Variants in DSCAM observed in about 807,000 individuals in gnomAD.
DSCAM encodes DS cell adhesion molecule.
In DSCAM, 47 loss-of-function variants were observed where a neutral mutation model predicts 217.7. The observed-to-expected ratio is 0.22, with a 90% CI of 0.17 to 0.28. The LOEUF is 0.28. Ranked by LOEUF, DSCAM falls within the 10% of genes least tolerant of loss-of-function variation. The pLI is 1.00. For synonymous variants in DSCAM, 1,056 were observed against 1,015.3 expected, an observed-to-expected ratio of 1.04 and a Z score of -0.76; for missense variants, 2,080 against 2,618.3, an observed-to-expected ratio of 0.79 and a Z score of 4.49.
chr21:40,408,699 G>A (rs1184403912), intron 3 of DSCAM, among the ~76,000 whole-genome samples: 3 of 152,008 alleles, frequency 2.0e-5, no homozygotes, highest in Non-Finnish European at 4.4e-5. Context: ...TTCCTTCCCC[G>A]AGCCCACTCA....
chr21:40,640,741 A>G (rs1283314902), intron 3 of DSCAM, among the ~76,000 whole-genome samples: 2 of 152,042 alleles, frequency 1.3e-5, no homozygotes, highest in African/African-American at 4.8e-5. Context: ...AGTAATTTGG[A>G]TAAGTATCCA....
chr21:40,041,723 T>C (rs1002347341), intron 32 of DSCAM, among the ~76,000 whole-genome samples: 18 of 152,178 alleles, frequency 1.2e-4, no homozygotes, highest in African/African-American at 4.3e-4. Context: ...GACTTAATGT[T>C]AGCCAGTTAC....
At chr21:40,722,631 A>C (rs2090913439) in intron 1 of DSCAM, among the ~76,000 whole-genome samples, 1 of 152,170 alleles carries the variant, frequency 6.6e-6, no homozygotes, top group African/African-American at 2.4e-5. Context: ...CAGAGGACAG[A>C]TAGAAAAAAT....
At chr21:40,321,061 G>A (rs2074254032) in intron 8 of DSCAM, among the ~76,000 whole-genome samples, 1 of 152,218 alleles carries the variant, frequency 6.6e-6, no homozygotes, top group African/African-American at 2.4e-5. Flanking sequence ...TGAATTATGA[G>A]ATTGAAAACC....
intron 1 of DSCAM, among the ~76,000 whole-genome samples, chr21:40,767,897 T>TCTCTCC (rs763654918): frequency 7.9e-5 from 12 of 151,884 alleles, no homozygotes; most frequent in African/African-American, 2.4e-4. Flanking sequence ...TTTCTCTCTC[T>TCTCTCC]CCCTGTGTGT....
chr21:40,478,059 G>T (rs1335562968), intron 3 of DSCAM, among the ~76,000 whole-genome samples: 1 of 152,110 alleles, frequency 6.6e-6, no homozygotes, highest in Non-Finnish European at 1.5e-5. Context: ...AATAGGATAG[G>T]TTCGTTTTGC....
At chr21:40,681,365 G>A (rs554093988) in intron 3 of DSCAM, among the ~76,000 whole-genome samples, 1 of 152,332 alleles carries the variant, frequency 6.6e-6, no homozygotes, top group East Asian at 1.9e-4. Flanking sequence ...CTGGTGGTGT[G>A]GCTGCCAGCT....
At chr21:40,136,815 G>A (rs1052303655) in intron 18 of DSCAM, among the ~76,000 whole-genome samples, 1 of 152,142 alleles carries the variant, frequency 6.6e-6, no homozygotes, top group African/African-American at 2.4e-5. Context: ...GAATCAGACA[G>A]AATGAGGAAG....
rs941688407 is a variant in DSCAM, at chr21:40,209,368, T to G, written c.2357-20130A>C. ...GAGAAACTACTCATTTCATAGACGT[T>G]GCATGGCGATGCCTGCACACACAAG... On this transcript the variant is annotated intron_variant, in intron 11 of 32. Coordinates refer to ENST00000400454, the MANE Select transcript of DSCAM (RefSeq NM_001389.5). Among the ~76,000 whole-genome samples the G allele has an allele frequency of 3.9e-5, 6 of 152,214 alleles. No homozygotes were observed. The South Asian group carries it at 1.0e-3, about 26-fold the overall frequency.
At chr21:40,051,436 G>T (rs1445330302) in intron 30 of DSCAM, among the ~76,000 whole-genome samples, 1 of 152,170 alleles carries the variant, frequency 6.6e-6, no homozygotes, top group Non-Finnish European at 1.5e-5. Flanking sequence ...AGGGGCAAAA[G>T]CATAAGCTTT....
At chr21:40,229,781 C>T (rs571420491) in intron 11 of DSCAM, among the ~76,000 whole-genome samples, 41 of 152,334 alleles carry the variant, frequency 2.7e-4, no homozygotes, top group African/African-American at 8.9e-4. Flanking sequence ...AAATTTTTGG[C>T]AATTACGAAC....
chr21:40,448,066 A>C (rs2075689229), intron 3 of DSCAM, among the ~76,000 whole-genome samples: 1 of 152,234 alleles, frequency 6.6e-6, no homozygotes, highest in Non-Finnish European at 1.5e-5. Context: ...GTCAACATGG[A>C]AATCAACTGT....
intron 20 of DSCAM, among the ~76,000 whole-genome samples, chr21:40,106,019 CTG>C (rs1317335697): frequency 2.0e-5 from 3 of 152,216 alleles, no homozygotes; most frequent in South Asian, 2.1e-4. Context: ...ATACCAGAGA[CTG>C]TGTAATTTAT....
intron 1 of DSCAM, among the ~76,000 whole-genome samples, chr21:40,712,469 CA>C (rs571819417): frequency 0.09 from 2,441 of 27,218 alleles, 3 homozygotes; most frequent in East Asian, 0.17. Flanking sequence ...GACTCCGTCT[CA>C]AAAAAAAAAA....
chr21:40,014,790 G>T (rs765102651), intron 32 of DSCAM, among the ~76,000 whole-genome samples: 2 of 152,152 alleles, frequency 1.3e-5, no homozygotes, highest in Admixed American at 6.5e-5. Context: ...CTTGCTAGGC[G>T]CTTCTCAAAA....
At chr21:40,182,669 CAG>C (rs1555886709) in intron 14 of DSCAM, among the ~76,000 whole-genome samples, 35 of 17,696 alleles carry the variant, frequency 2.0e-3, no homozygotes, top group South Asian at 6.4e-3. Context: ...AAACCGTGGA[CAG>C]GGGGGGGTTA....
chr21:40,037,336 A>G (rs1206145389), intron 32 of DSCAM, among the ~76,000 whole-genome samples: 1 of 149,994 alleles, frequency 6.7e-6, no homozygotes, highest in African/African-American at 2.5e-5. Context: ...TACAAAATCA[A>G]TGTACAAAAG....
intron 26 of DSCAM, among the ~76,000 whole-genome samples, chr21:40,076,022 GC>G (rs2089361009): frequency 6.6e-6 from 1 of 151,998 alleles, no homozygotes; most frequent in African/African-American, 2.4e-5. Flanking sequence ...GATGCTCCAC[GC>G]CACTGCACTT....
At chr21:40,194,661 T>C (rs16999473) in intron 11 of DSCAM, among the ~76,000 whole-genome samples, 19,206 of 152,204 alleles carry the variant, frequency 0.13, 3,377 homozygotes, top group African/African-American at 0.4. Flanking sequence ...TCTAACAGCA[T>C]CCTTAATGCT....
Sources: gnomAD v4.1 joint callset for allele counts (sites outside exome capture counted in the v4.1 genomes callset) on GRCh38, gnomAD v4.1.1 for gene constraint, MANE v1.5 for transcripts, NCBI Gene and HGNC (gene_info 2026-07-23, HGNC 2026-07-21) for gene names.